The following SGMS1 variants were observed in gnomAD, a reference collection of about 807,000 sequenced individuals.
SGMS1 encodes the protein sphingomyelin synthase 1.
In SGMS1, 13 loss-of-function variants were observed where a neutral mutation model predicts 46.2. That is an observed-to-expected ratio of 0.28 (90% CI 0.18 to 0.45). SGMS1 has a LOEUF of 0.45. Ranked by LOEUF, SGMS1 falls within the 20% of genes least tolerant of loss-of-function variation. The pLI, the probability that SGMS1 is intolerant of heterozygous loss-of-function variation, is 1.00. For synonymous variants in SGMS1, 203 were observed against 187.8 expected (o/e 1.08, Z -0.66); for missense variants, 324 against 519.9 (o/e 0.62, Z 3.66).
intron 1 of SGMS1, among the ~76,000 whole-genome samples, chr10:50,614,113 T>C (rs932505161): frequency 6.8e-6 from 1 of 146,542 alleles, no homozygotes; most frequent in African/African-American, 2.5e-5. Flanking sequence ...AAGTCTTTCT[T>C]TTTTTTTTTT....
chr10:50,465,963 T>G (rs1173886570), intron 4 of SGMS1, among the ~76,000 whole-genome samples: 1 of 152,076 alleles, frequency 6.6e-6, no homozygotes, highest in African/African-American at 2.4e-5. Flanking sequence ...TTAATACTTA[T>G]CTAAATATAG....
At chr10:50,353,603 A>G (rs1243475576) in intron 6 of SGMS1, among the ~76,000 whole-genome samples, 17 of 152,400 alleles carry the variant, frequency 1.1e-4, no homozygotes, top group African/African-American at 3.8e-4. Flanking sequence ...ATCAGGCAGG[A>G]GAAGGAAATA....
chr10:50,596,416 G>A (rs941746546), intron 1 of SGMS1, among the ~76,000 whole-genome samples: 2 of 152,198 alleles, frequency 1.3e-5, no homozygotes, highest in East Asian at 1.9e-4. Flanking sequence ...GACCTCAGGT[G>A]ATCTGCCCAC....
At chr10:50,341,495 C>T in intron 7 of SGMS1, 4 of 452,406 alleles carry the variant, frequency 8.8e-6, no homozygotes, top group South Asian at 1.6e-5. Flanking sequence ...GACACAAACG[C>T]TCTGAAGCTA....
At chr10:50,599,661 G>A (rs1159648479) in intron 1 of SGMS1, among the ~76,000 whole-genome samples, 1 of 152,088 alleles carries the variant, frequency 6.6e-6, no homozygotes, top group Admixed American at 6.6e-5. Context: ...TCAAGAGTTC[G>A]AGACCAGCCT....
intron 8 of SGMS1, among the ~76,000 whole-genome samples, chr10:50,317,121 A>T (rs952276895): frequency 6.6e-6 from 1 of 152,202 alleles, no homozygotes; most frequent in African/African-American, 2.4e-5. Flanking sequence ...CAAGCAGCAG[A>T]ATTATTGTAA....
chr10:50,558,598 G>T (rs1232914312), intron 2 of SGMS1, among the ~76,000 whole-genome samples: 1 of 152,142 alleles, frequency 6.6e-6, no homozygotes, highest in African/African-American at 2.4e-5. Flanking sequence ...ATGCTTTCCA[G>T]TAAGTACAGT....
At chr10:50,366,482 C>T (rs887965561) in intron 6 of SGMS1, among the ~76,000 whole-genome samples, 8 of 152,148 alleles carry the variant, frequency 5.3e-5, no homozygotes, top group Non-Finnish European at 5.9e-5. Flanking sequence ...AATCATTCTA[C>T]GATAAAGACA....
At chr10:50,401,875 A>G in intron 6 of SGMS1, among the ~76,000 whole-genome samples, 1 of 152,222 alleles carries the variant, frequency 6.6e-6, no homozygotes, top group East Asian at 1.9e-4. Context: ...GCTCCTGCAC[A>G]AAATGTCAAA....
chr10:50,554,479 G>C (rs543588663), intron 2 of SGMS1, among the ~76,000 whole-genome samples: 6 of 152,148 alleles, frequency 3.9e-5, no homozygotes, highest in Non-Finnish European at 5.9e-5. Context: ...GAGCCAGGCA[G>C]GGAAGACAGT....
chr10:50,394,841 A>G (rs1256521969), intron 6 of SGMS1, among the ~76,000 whole-genome samples: 1 of 152,200 alleles, frequency 6.6e-6, no homozygotes, highest in Non-Finnish European at 1.5e-5. Context: ...ACTGGTCTGA[A>G]TTCTTTCTGC....
At chr10:50,495,888 G>C (rs1482921823) in intron 3 of SGMS1, among the ~76,000 whole-genome samples, 1 of 152,158 alleles carries the variant, frequency 6.6e-6, no homozygotes, top group Non-Finnish European at 1.5e-5. Flanking sequence ...GGGAAGGCAA[G>C]GGAGAACTGA....
chr10:50,401,584 C>CT (rs889587628), intron 6 of SGMS1, among the ~76,000 whole-genome samples: 2 of 152,150 alleles, frequency 1.3e-5, no homozygotes, highest in African/African-American at 4.8e-5. Flanking sequence ...TAAAGTACTC[C>CT]TTCAAAAGGT....
At chr10:50,574,961 G>GTATACATATATATATATATA (rs1491469065) in intron 2 of SGMS1, among the ~76,000 whole-genome samples, 1 of 45,294 alleles carries the variant, frequency 2.2e-5, no homozygotes, top group East Asian at 7.9e-4. Context: ...GGAAAATGTG[G>GTATACATATATATATATATA]TGTATATATA....
chr10:50,574,467 G>T (rs1278069890), intron 2 of SGMS1, among the ~76,000 whole-genome samples: 1 of 152,176 alleles, frequency 6.6e-6, no homozygotes, highest in Non-Finnish European at 1.5e-5. Context: ...TGTGAGAATG[G>T]CTATTATTTA....
intron 3 of SGMS1, among the ~76,000 whole-genome samples, chr10:50,515,005 TG>T (rs1427839588): frequency 6.6e-6 from 1 of 152,208 alleles, no homozygotes; most frequent in Non-Finnish European, 1.5e-5. Context: ...CATATGAATC[TG>T]GTGAGCAGGA....
intron 6 of SGMS1, among the ~76,000 whole-genome samples, chr10:50,373,665 CATAAAG>C (rs1231499699): frequency 6.6e-6 from 1 of 152,100 alleles, no homozygotes; most frequent in African/African-American, 2.4e-5. Context: ...AAACGTCAGT[CATAAAG>C]ATAAAAACTG....
At position 50,425,730 on chromosome 10, in the gene SGMS1, C is replaced by T. The variant is rs145691286; in HGVS notation, c.-232+7746G>A. On this transcript the variant is annotated intron_variant, in intron 6 of 10. Coordinates refer to ENST00000361781, the MANE Select transcript of SGMS1 (RefSeq NM_147156.4). ...ATGTAACAAACCTGCGAATGTACCC[C>T]GGGTCTAAAATAAAAACGGAAATTT... Among the ~76,000 whole-genome samples, 76 of 152,154 alleles carry T rather than the reference C, an allele frequency of 5.0e-4. 1 individual carries two copies. The highest frequency in any genetic ancestry group is 1.7e-3 in the African/African-American group (71 of 41,498).
intron 2 of SGMS1, among the ~76,000 whole-genome samples, chr10:50,566,426 T>C (rs576492308): frequency 6.6e-6 from 1 of 152,358 alleles, no homozygotes; most frequent in Non-Finnish European, 1.5e-5. Flanking sequence ...ATATTGATTT[T>C]TACTTTACTC....
Sources: allele counts gnomAD v4.1 joint callset (sites outside exome capture counted in the v4.1 genomes callset), GRCh38; gene constraint gnomAD v4.1.1; transcripts MANE v1.5; gene names NCBI Gene and HGNC (gene_info 2026-07-23, HGNC 2026-07-21).